MEGF11: variants seen among roughly 807,000 people sequenced by gnomAD.
MEGF11 encodes the protein multiple EGF like domains 11, also known as multiple epidermal growth factor-like domains protein 11.
Under a neutral mutation model 146.6 loss-of-function variants are expected in MEGF11, and 126 were observed. That is an observed-to-expected ratio of 0.86 (90% CI 0.74 to 1.00). MEGF11 has a LOEUF of 1.00. MEGF11 is among the 50% of genes least tolerant of loss of function. MEGF11 has a pLI of 0.00. For synonymous variants in MEGF11, 532 were observed against 583.4 expected (o/e 0.91, Z 1.27); for missense variants, 1,509 against 1,521.2 (o/e 0.99, Z 0.13).
At chr15:65,994,016 G>A (rs941610880) in intron 5 of MEGF11, among the ~76,000 whole-genome samples, 2 of 152,212 alleles carry the variant, frequency 1.3e-5, no homozygotes, top group Non-Finnish European at 2.9e-5. Flanking sequence ...GCGGGGTTGG[G>A]CTGTGACAGG....
intron 1 of MEGF11, among the ~76,000 whole-genome samples, chr15:66,249,879 T>C (rs1163804740): frequency 2.0e-5 from 3 of 152,208 alleles, no homozygotes; most frequent in African/African-American, 7.2e-5. Flanking sequence ...GAATCACTAG[T>C]CTGCAAGGAA....
intron 3 of MEGF11, among the ~76,000 whole-genome samples, chr15:66,120,457 C>T (rs2087968002): frequency 6.6e-6 from 1 of 152,172 alleles, no homozygotes; most frequent in Non-Finnish European, 1.5e-5. Flanking sequence ...GACTCTTCCT[C>T]AGCAGCACAG....
chr15:66,121,232 C>T (rs2088009064), intron 3 of MEGF11, among the ~76,000 whole-genome samples: 1 of 152,204 alleles, frequency 6.6e-6, no homozygotes, highest in Non-Finnish European at 1.5e-5. Flanking sequence ...ACTTGGCTCT[C>T]CCACTGGGTC....
chr15:65,903,476 T>G (rs1444755611), intron 24 of MEGF11, among the ~76,000 whole-genome samples: 1 of 152,178 alleles, frequency 6.6e-6, no homozygotes, highest in Non-Finnish European at 1.5e-5. Context: ...TGACTAAGGC[T>G]TTTGGAATGT....
chr15:65,925,235 T>C (rs2079331478), intron 13 of MEGF11, among the ~76,000 whole-genome samples: 1 of 152,234 alleles, frequency 6.6e-6, no homozygotes, highest in African/African-American at 2.4e-5. Context: ...GCTACTCTCA[T>C]TGTGGAATCC....
chr15:66,184,271 C>T lies in MEGF11; in HGVS notation c.-8-55860G>A, dbSNP rs370817950. ...GAAAACAAAAAAAGAATCTAGGTGG[C>T]CTTCCTCCCCACGCATCCCACACTG... On this transcript the variant is annotated intron_variant, in intron 1 of 25. Transcript: ENST00000395614. 1.2e-4 allele frequency among the ~76,000 whole-genome samples: 18 copies of T among 152,190 alleles called. 1 individual carries two copies. The South Asian group carries it at 3.7e-3, about 32-fold the overall frequency.
intron 5 of MEGF11, among the ~76,000 whole-genome samples, chr15:66,025,385 G>A (rs2083293125): frequency 6.6e-6 from 1 of 152,068 alleles, no homozygotes; most frequent in Non-Finnish European, 1.5e-5. Context: ...CAGTCAGCCT[G>A]AGGCAGGGAG....
At chr15:65,987,999 G>A (rs1339276338) in intron 5 of MEGF11, among the ~76,000 whole-genome samples, 1 of 127,274 alleles carries the variant, frequency 7.9e-6, no homozygotes, top group African/African-American at 3.0e-5. Context: ...ATGAGCCACA[G>A]TACCCGGTCT....
intron 5 of MEGF11, among the ~76,000 whole-genome samples, chr15:66,026,331 A>C (rs1236353518): frequency 6.6e-6 from 1 of 152,188 alleles, no homozygotes; most frequent in East Asian, 1.9e-4. Context: ...CGGGGACCAC[A>C]CTTTGAGTAG....
chr15:66,118,312 C>T (rs529371217), intron 4 of MEGF11, among the ~76,000 whole-genome samples: 2 of 151,994 alleles, frequency 1.3e-5, no homozygotes, highest in African/African-American at 2.4e-5. Context: ...AGTGTCTTGC[C>T]GAAAGCCCCA....
At chr15:65,931,793 T>C (rs77671498) in intron 10 of MEGF11, among the ~76,000 whole-genome samples, 1,693 of 152,372 alleles carry the variant, frequency 0.011, 46 homozygotes, top group African/African-American at 0.038. Flanking sequence ...TAATGCATAT[T>C]GAGTCCTTTC....
At chr15:66,202,383 G>A (rs1048717266) in intron 1 of MEGF11, among the ~76,000 whole-genome samples, 3 of 152,176 alleles carry the variant, frequency 2.0e-5, no homozygotes, top group African/African-American at 4.8e-5. Context: ...CGTGGTGAGC[G>A]GGCATGACGG....
At chr15:66,137,073 C>T (rs997245081) in intron 1 of MEGF11, among the ~76,000 whole-genome samples, 2 of 152,126 alleles carry the variant, frequency 1.3e-5, no homozygotes, top group African/African-American at 4.8e-5. Flanking sequence ...CTGAAGCAAC[C>T]TAAATGCCCA....
intron 5 of MEGF11, among the ~76,000 whole-genome samples, chr15:66,032,087 G>A (rs333587): frequency 0.65 from 98,874 of 152,000 alleles, 32,640 homozygotes; most frequent in Admixed American, 0.71. Flanking sequence ...TGATGATCTG[G>A]CATAGAACAG....
At chr15:65,922,566 G>T in intron 14 of MEGF11, 94 bp from the exon 15 acceptor site, 1 of 1,440,432 alleles carries the variant, frequency 6.9e-7, no homozygotes, top group Non-Finnish European at 9.2e-7. Flanking sequence ...AACATGGGGA[G>T]ACCTGCATCC....
At chr15:65,940,141 C>T (rs887281553) in intron 10 of MEGF11, among the ~76,000 whole-genome samples, 2 of 152,134 alleles carry the variant, frequency 1.3e-5, no homozygotes, top group Non-Finnish European at 2.9e-5. Context: ...AGGCTAGTCC[C>T]TCCCTACTTC....
At chr15:65,989,140 A>G (rs540620802) in intron 5 of MEGF11, among the ~76,000 whole-genome samples, 4 of 152,182 alleles carry the variant, frequency 2.6e-5, no homozygotes, top group African/African-American at 9.6e-5. Flanking sequence ...CTTTTTTCCC[A>G]TGATCTCTGT....
At chr15:66,064,287 T>G (rs1323737554) in intron 5 of MEGF11, among the ~76,000 whole-genome samples, 1 of 152,022 alleles carries the variant, frequency 6.6e-6, no homozygotes, top group Non-Finnish European at 1.5e-5. Flanking sequence ...GAGAATCACT[T>G]GAACCCAGGA....
At chr15:66,006,220 A>T (rs2082516014) in intron 5 of MEGF11, among the ~76,000 whole-genome samples, 1 of 152,176 alleles carries the variant, frequency 6.6e-6, no homozygotes, top group Non-Finnish European at 1.5e-5. Context: ...GATGGGAATC[A>T]GGAGCCCGGG....
Sources: gnomAD v4.1 joint callset for allele counts (sites outside exome capture counted in the v4.1 genomes callset) on GRCh38, gnomAD v4.1.1 for gene constraint, MANE v1.5 for transcripts, NCBI Gene and HGNC (gene_info 2026-07-23, HGNC 2026-07-21) for gene names.